The following BTRC variants were observed in gnomAD, a reference collection of about 807,000 sequenced individuals.
BTRC encodes beta-transducin repeat containing E3 ubiquitin protein ligase, also known as F-box/WD repeat-containing protein 1A.
A neutral mutation model predicts 85.5 loss-of-function variants in BTRC; 42 were observed. The observed-to-expected ratio is 0.49, with a 90% CI of 0.38 to 0.64. BTRC has a LOEUF of 0.64. Ranked by LOEUF, BTRC falls within the 30% of genes least tolerant of loss-of-function variation. The pLI is 0.00. For missense variants in BTRC, 594 were observed against 743.5 expected (o/e 0.80, Z 2.34); for synonymous variants, 255 against 263.3 (o/e 0.97, Z 0.30).
chr10:101,406,596 G>A (rs1300469761), intron 1 of BTRC, among the ~76,000 whole-genome samples: 1 of 120,844 alleles, frequency 8.3e-6, no homozygotes, highest in Non-Finnish European at 1.6e-5. Flanking sequence ...GTGCAGTGGT[G>A]TGATCTTGGC....
At chr10:101,380,151 G>T (rs1300815624) in intron 1 of BTRC, among the ~76,000 whole-genome samples, 2 of 152,060 alleles carry the variant, frequency 1.3e-5, no homozygotes, top group African/African-American at 2.4e-5. Context: ...TGGTTTTCAG[G>T]TTCTGCTTCC....
At chr10:101,515,217 A>C (rs2062007636) in intron 4 of BTRC, among the ~76,000 whole-genome samples, 1 of 151,968 alleles carries the variant, frequency 6.6e-6, no homozygotes, top group Admixed American at 6.6e-5. Context: ...CAGACTCCCA[A>C]AGTGCTGGGA....
Position 101,468,850 on chromosome 10 carries a change from AT to A in BTRC, c.234+6793del, listed in dbSNP as rs1306715357. Among the ~76,000 whole-genome samples, 6 of 152,354 alleles carry A rather than the reference AT, an allele frequency of 3.9e-5. No individual in the cohort carries two copies. The East Asian group carries it at 1.2e-3, about 29-fold the overall frequency. On this transcript the variant is annotated intron_variant, in intron 3 of 14. Coordinates refer to ENST00000370187, the MANE Select transcript of BTRC (RefSeq NM_033637.4). Reference sequence around the variant, plus strand: ...CAATCAATCCCTTTTAGTGTGTTATATGTTTCACCTGACAACTAAACCTTCT... The same window carrying A: ...CAATCAATCCCTTTTAGTGTGTTATAGTTTCACCTGACAACTAAACCTTCT...
chr10:101,394,063 C>T (rs1427035862), intron 1 of BTRC, among the ~76,000 whole-genome samples: 1 of 152,148 alleles, frequency 6.6e-6, no homozygotes, highest in Non-Finnish European at 1.5e-5. Context: ...TTATAGAACG[C>T]AGACATTGTT....
intron 4 of BTRC, among the ~76,000 whole-genome samples, chr10:101,505,135 A>ATATATGTATATATATGTGTATATC (rs1946492961): frequency 1.3e-5 from 1 of 79,024 alleles, no homozygotes; most frequent in African/African-American, 3.3e-5. Flanking sequence ...ATGTGTATAT[A>ATATATGTATATATATGTGTATATC]TATGTATATA....
chr10:101,500,184 A>G (rs956251331), intron 4 of BTRC, among the ~76,000 whole-genome samples: 2 of 151,990 alleles, frequency 1.3e-5, no homozygotes, highest in African/African-American at 4.8e-5. Context: ...GTACTTCCGC[A>G]AATCTAAATG....
intron 4 of BTRC, among the ~76,000 whole-genome samples, chr10:101,502,801 G>T (rs1038664090): frequency 3.3e-5 from 5 of 152,088 alleles, no homozygotes; most frequent in African/African-American, 1.2e-4. Flanking sequence ...GAAAACTTAT[G>T]TGATAATCTA....
At chr10:101,367,703 G>A (rs1942509423) in intron 1 of BTRC, among the ~76,000 whole-genome samples, 1 of 152,076 alleles carries the variant, frequency 6.6e-6, no homozygotes, top group African/African-American at 2.4e-5. Context: ...ATCATTCCAG[G>A]GTGTATTCTT....
At chr10:101,458,465 G>A (rs1416279285) in intron 2 of BTRC, among the ~76,000 whole-genome samples, 1 of 152,138 alleles carries the variant, frequency 6.6e-6, no homozygotes, top group Non-Finnish European at 1.5e-5. Context: ...TTACAGAGCT[G>A]TATACCAAAA....
intron 4 of BTRC, among the ~76,000 whole-genome samples, chr10:101,496,310 T>A (rs1946258471): frequency 1.3e-5 from 2 of 152,210 alleles, no homozygotes; most frequent in African/African-American, 4.8e-5. Flanking sequence ...GAATAAAAGT[T>A]CCATCATTCC....
chr10:101,497,621 A>C (rs937051512), intron 4 of BTRC, among the ~76,000 whole-genome samples: 1 of 152,044 alleles, frequency 6.6e-6, no homozygotes, highest in African/African-American at 2.4e-5. Flanking sequence ...TGAGAAGATC[A>C]CTTGAGCTTG....
chr10:101,535,374 T>G lies in BTRC; in HGVS notation c.1368T>G (p.Cys456Trp). Reference protein sequence around the residue: ...RTIKVWNTSTCEFVRTLNGHK... With the variant: ...RTIKVWNTSTWEFVRTLNGHK... ...TTCAGGTATGGAACACAAGTACTTG[T>G]GAATTTGTAAGGACCTTAAATGGAC... Residue 456 changes from cysteine (C) to tryptophan (W), a missense_variant, in exon 11 of 15, where the codon TGT (cysteine) becomes TGG (tryptophan). This residue lies in a region of BTRC where 373 missense variants were observed against 503.6 expected (regional missense o/e 0.74). Transcript: ENST00000370187. 1 of 1,613,834 alleles carries G rather than the reference T, an allele frequency of 6.2e-7. No individual in the cohort carries two copies. Among genetic ancestry groups the G allele is most frequent in the East Asian group, 2.2e-5 (1 of 44,884 alleles).
intron 4 of BTRC, among the ~76,000 whole-genome samples, chr10:101,511,591 C>G (rs899999642): frequency 2.0e-5 from 3 of 152,148 alleles, no homozygotes; most frequent in Non-Finnish European, 4.4e-5. Flanking sequence ...GAGTCTCACT[C>G]TGTTGCCCAG....
chr10:101,535,264 C>A (rs910095674), intron 10 of BTRC, 90 bp from the exon 11 acceptor site: 10 of 960,676 alleles, frequency 1.0e-5, no homozygotes, highest in Admixed American at 6.0e-5. Context: ...ATGGTTCAGT[C>A]CTGTTTTCTG....
chr10:101,477,349 C>T lies in BTRC; in HGVS notation c.235-2019C>T, dbSNP rs977827599. ...TCCTTCCAGATGATTCTGATGCGCA[C>T]TAAAGTTTGATAAACATAATTTATA... On this transcript the variant is annotated intron_variant, in intron 3 of 14. Transcript: ENST00000370187. Among the ~76,000 whole-genome samples the T allele has an allele frequency of 9.2e-5, 14 of 151,760 alleles. No homozygotes were observed. In the South Asian group the frequency reaches 2.3e-3, roughly 25 times the overall value.
intron 3 of BTRC, among the ~76,000 whole-genome samples, chr10:101,467,202 A>G (rs1324426098): frequency 6.6e-6 from 1 of 151,984 alleles, no homozygotes; most frequent in African/African-American, 2.4e-5. Flanking sequence ...CTTTAAAAAA[A>G]AAAAAAACAC....
At chr10:101,544,300 T>C (rs2062523351) in intron 13 of BTRC, among the ~76,000 whole-genome samples, 1 of 152,228 alleles carries the variant, frequency 6.6e-6, no homozygotes, top group South Asian at 2.1e-4. Context: ...GTATAAATTC[T>C]ATTTCCATCT....
chr10:101,383,095 ACT>A (rs1265634873), intron 1 of BTRC, among the ~76,000 whole-genome samples: 1 of 117,120 alleles, frequency 8.5e-6, no homozygotes, highest in Non-Finnish European at 1.6e-5. Context: ...ACAGGGTCTC[ACT>A]CTTTCTCCCA....
intron 1 of BTRC, among the ~76,000 whole-genome samples, chr10:101,424,866 C>T (rs886117838): frequency 3.3e-5 from 5 of 152,034 alleles, no homozygotes; most frequent in African/African-American, 9.7e-5. Flanking sequence ...ATATACTGCA[C>T]GATGCTGAGG....
Sources: allele counts gnomAD v4.1 joint callset (sites outside exome capture counted in the v4.1 genomes callset), GRCh38; gene constraint gnomAD v4.1.1; regional missense constraint gnomAD v4.1.1; transcripts MANE v1.5; gene names NCBI Gene and HGNC (gene_info 2026-07-23, HGNC 2026-07-21).